The following CREBBP variants were observed in gnomAD, a reference collection of about 807,000 sequenced individuals.
The protein encoded by CREBBP is CREB-binding protein.
CREBBP carries 19 observed loss-of-function variants against 265.0 expected under a neutral mutation model. The observed-to-expected ratio is 0.07, with a 90% CI of 0.05 to 0.11. CREBBP has a LOEUF of 0.11. Ranked by LOEUF, CREBBP falls within the 10% of genes least tolerant of loss-of-function variation. The pLI is 1.00. For missense variants in CREBBP, 2,525 were observed against 3,219.0 expected (o/e 0.78, Z 5.22); for synonymous variants, 1,457 against 1,223.7 (o/e 1.19, Z -3.98).
intron 1 of CREBBP, among the ~76,000 whole-genome samples, chr16:3,866,335 G>A (rs1172132825): frequency 1.3e-5 from 2 of 152,098 alleles, no homozygotes; most frequent in African/African-American, 4.8e-5. Context: ...ATATAAAGAT[G>A]ATGTTAAAAA....
At chr16:3,871,246 A>G (rs2055293645) in intron 1 of CREBBP, among the ~76,000 whole-genome samples, 1 of 151,004 alleles carries the variant, frequency 6.6e-6, no homozygotes, top group Non-Finnish European at 1.5e-5. Context: ...CCACCCTGCA[A>G]AACTCAAATG....
intron 30 of CREBBP, among the ~76,000 whole-genome samples, chr16:3,730,800 C>A (rs1263202422): frequency 6.6e-6 from 1 of 152,152 alleles, no homozygotes; most frequent in Non-Finnish European, 1.5e-5. Flanking sequence ...CGTCATTTCA[C>A]AGGGGGGTCA....
intron 2 of CREBBP, among the ~76,000 whole-genome samples, chr16:3,832,024 G>T (rs1395239844): frequency 6.6e-6 from 1 of 151,382 alleles, no homozygotes; most frequent in African/African-American, 2.4e-5. Flanking sequence ...AGAAAAAAAA[G>T]AAAAGAGTAG....
chr16:3,853,728 G>C (rs987292026), intron 1 of CREBBP, among the ~76,000 whole-genome samples: 2 of 152,080 alleles, frequency 1.3e-5, no homozygotes, highest in African/African-American at 4.8e-5. Flanking sequence ...TCTGAGGTCA[G>C]GAGTTCAAGA....
At chr16:3,829,300 G>C (rs985561641) in intron 2 of CREBBP, among the ~76,000 whole-genome samples, 2 of 152,192 alleles carry the variant, frequency 1.3e-5, no homozygotes, top group Non-Finnish European at 1.5e-5. Flanking sequence ...CGATTCAGAA[G>C]ATGAGAGATA....
chr16:3,747,983 G>A (rs915610676), intron 21 of CREBBP, among the ~76,000 whole-genome samples: 2 of 152,162 alleles, frequency 1.3e-5, no homozygotes, highest in African/African-American at 2.4e-5. Flanking sequence ...CCAGCTACTC[G>A]GGAGGCTGAG....
At chr16:3,771,132 G>T in intron 13 of CREBBP, 146 bp from the exon 14 acceptor site, 3 of 839,986 alleles carry the variant, frequency 3.6e-6, no homozygotes, top group Non-Finnish European at 5.8e-6. Context: ...GCAATGGTGC[G>T]ATCTCGGCTC....
chr16:3,768,302 C>T (rs1596880359), intron 15 of CREBBP, among the ~76,000 whole-genome samples: 1 of 151,798 alleles, frequency 6.6e-6, no homozygotes, highest in East Asian at 1.9e-4. Flanking sequence ...TGTGCCACCA[C>T]ACTCGGCTAA....
chr16:3,743,950 C>A (rs1169186083), intron 23 of CREBBP, among the ~76,000 whole-genome samples: 1 of 152,124 alleles, frequency 6.6e-6, no homozygotes, highest in Admixed American at 6.6e-5. Context: ...GTGGCGGGCG[C>A]CTGTAGTCCC....
rs571146385 is a variant in CREBBP at position 3,815,615 on chromosome 16, G to A, written c.799-4836C>T. Among the ~76,000 whole-genome samples the A allele has an allele frequency of 1.8e-3, 251 of 142,524 alleles. 1 individual carries two copies. Among genetic ancestry groups the A allele is most frequent in the African/African-American group, 6.1e-3 (232 of 38,074 alleles). 93.5% of individuals were successfully genotyped at this position (142,524 alleles called of 152,430 possible). On this transcript the variant is annotated intron_variant, in intron 2 of 30. Coordinates refer to ENST00000262367, the MANE Select transcript of CREBBP (RefSeq NM_004380.3). ...GAGGTTCATCAGGATTTGGTTTAATGCTGCTAGAGAACCTCTATATAATCT... is the reference window on the plus strand; with the variant it reads ...GAGGTTCATCAGGATTTGGTTTAATACTGCTAGAGAACCTCTATATAATCT...
rs766570245 is a variant in CREBBP, at chr16:3,731,423, G to A, written c.4941C>T (p.Pro1647=). The change falls in exon 30 of 31, where the codon CCC becomes CCT. Residue 1647 remains proline, a synonymous_variant. Transcript: ENST00000262367. This position sits in a 1 kb window ranked among gnomAD's most constrained non-coding sequence, Gnocchi z 7.7. The part of the protein sequence containing the change: ...LHAGPVINTL[P]PIVDPDPLLS... ...GCAGGGGGTCGGGGTCGACGATGGG[G>A]GGCAGGGTGTTGATGACAGGCCCAG... 13 of 1,603,862 alleles carry A rather than the reference G, an allele frequency of 8.1e-6. No homozygotes were observed. The highest frequency in any genetic ancestry group is 1.3e-5 in the African/African-American group (1 of 74,808).
chr16:3,803,519 CAAA>C (rs926672466), intron 3 of CREBBP, among the ~76,000 whole-genome samples: 1 of 150,874 alleles, frequency 6.6e-6, no homozygotes, highest in African/African-American at 2.4e-5. Flanking sequence ...ACAACAACAA[CAAA>C]AAAAACAAAA....
intron 2 of CREBBP, among the ~76,000 whole-genome samples, chr16:3,833,199 G>C (rs2054376748): frequency 6.6e-6 from 1 of 152,234 alleles, no homozygotes; most frequent in South Asian, 2.1e-4. Flanking sequence ...GACCACCTGA[G>C]GTGAGGAGTT....
In CREBBP at chr16:3,880,036, G is replaced by C. The variant is rs1165447450; in HGVS notation, c.-120C>G. 2 of 833,006 alleles carry C rather than the reference G, an allele frequency of 2.4e-6. No homozygotes were observed. The highest frequency in any genetic ancestry group is 3.2e-6 in the Non-Finnish European group (2 of 626,038). 51.6% of individuals were successfully genotyped at this position (833,006 alleles called of 1,614,324 possible). A position where few individuals can be genotyped will look rare whatever the true frequency, so the allele number is the denominator to read the frequency against. On this transcript the variant is annotated 5_prime_UTR_variant, in exon 1 of 31. Coordinates refer to ENST00000262367, the MANE Select transcript of CREBBP (RefSeq NM_004380.3). ...GAGCGAGCGCGGGCCGCGAGCGGGCGGGCGGGCGCCGAGGGAGAGGGAGGG... is the reference window on the plus strand; with the variant it reads ...GAGCGAGCGCGGGCCGCGAGCGGGCCGGCGGGCGCCGAGGGAGAGGGAGGG...
intron 6 of CREBBP, 144 bp downstream of exon 6, chr16:3,782,540 T>A: frequency 9.1e-7 from 1 of 1,093,132 alleles, no homozygotes; most frequent in South Asian, 1.6e-5. Flanking sequence ...ATCAGATACT[T>A]CAGCTTTTTC....
At chr16:3,796,628 C>A (rs1018379844) in intron 3 of CREBBP, among the ~76,000 whole-genome samples, 1 of 152,042 alleles carries the variant, frequency 6.6e-6, no homozygotes, top group Non-Finnish European at 1.5e-5. Flanking sequence ...CTAAAGAGAC[C>A]GGCACACCTC....
chr16:3,731,508 G>T lies in CREBBP; in HGVS notation c.4891-35C>A, dbSNP rs1339886964. 2 of 1,559,580 alleles carry T rather than the reference G, an allele frequency of 1.3e-6. No homozygotes were observed. Among genetic ancestry groups the T allele is most frequent in the Admixed American group, 3.9e-5 (2 of 51,684 alleles). On this transcript the variant is annotated intron_variant, in intron 29 of 30. Transcript: ENST00000262367. The surrounding 1 kb of genome is among the most constrained non-coding windows in gnomAD (Gnocchi z 7.7). ...AGGAGGGGCTTTAGTCCCACACAAG[G>T]GACATGGCACCTCCAGTGGTGAGCT...
chr16:3,834,693 A>T (rs146151888), intron 2 of CREBBP, among the ~76,000 whole-genome samples: 2 of 152,326 alleles, frequency 1.3e-5, no homozygotes, highest in African/African-American at 4.8e-5. Context: ...ATGATGTATC[A>T]ATATAGGTTT....
At position 3,835,049 on chromosome 16, in the gene CREBBP, TA is replaced by T. The variant is rs556451938; in HGVS notation, c.798+15247del. ...GGCAGGCGCCTGTAGTTCCAGCTACTAAGGGAGGCTGAGGCAGGAGAATGGC... is the reference window on the plus strand; with the variant it reads ...GGCAGGCGCCTGTAGTTCCAGCTACTAGGGAGGCTGAGGCAGGAGAATGGC... On this transcript the variant is annotated intron_variant, in intron 2 of 30. Coordinates refer to ENST00000262367, the MANE Select transcript of CREBBP (RefSeq NM_004380.3). 1.6e-4 allele frequency among the ~76,000 whole-genome samples: 25 copies of T among 152,026 alleles called. No homozygotes were observed. In the South Asian group the frequency reaches 5.2e-3, roughly 32 times the overall value.
Sources: gnomAD v4.1 joint callset for allele counts (sites outside exome capture counted in the v4.1 genomes callset) on GRCh38, gnomAD v4.1.1 for gene constraint, Gnocchi (gnomAD v3.1) non-coding constraint, MANE v1.5 for transcripts, NCBI Gene and HGNC (gene_info 2026-07-23, HGNC 2026-07-21) for gene names.